The following TBX21 variants were observed in gnomAD, a reference collection of about 807,000 sequenced individuals.
TBX21 encodes T-box transcription factor 21.
In TBX21, 11 loss-of-function variants were observed where a neutral mutation model predicts 52.2. The observed-to-expected ratio is 0.21, with a 90% CI of 0.13 to 0.35. The LOEUF (loss-of-function observed/expected upper bound fraction) is 0.35. Ranked by LOEUF, TBX21 falls within the 10% of genes least tolerant of loss-of-function variation. TBX21 has a pLI of 1.00. For synonymous variants in TBX21, 300 were observed against 316.1 expected, an observed-to-expected ratio of 0.95 and a Z score of 0.54; for missense variants, 625 against 755.1, an observed-to-expected ratio of 0.83 and a Z score of 2.02.
rs34123804 is a variant in TBX21 at position 47,742,072 on chromosome 17, CTT to C, written c.492-525_492-524del. The stretch of plus-strand genomic sequence containing the variant: ...AGTGATGATTTTTTAGTTTTTACTC[CTT>C]TTTTTTTTTTTTGAGATGGAGACTT... On this transcript the variant is annotated intron_variant, in intron 1 of 5. Coordinates refer to ENST00000177694, the MANE Select transcript of TBX21 (RefSeq NM_013351.2). The surrounding 1 kb of genome is among the most constrained non-coding windows in gnomAD (Gnocchi z 4.4). Among the ~76,000 whole-genome samples the C allele has an allele frequency of 2.5e-4, 36 of 143,536 alleles. No individual in the cohort carries two copies. The highest frequency in any genetic ancestry group is 5.3e-4 in the African/African-American group (21 of 39,386). 94.2% of individuals were successfully genotyped at this position (143,536 alleles called of 152,430 possible). A position where few individuals can be genotyped will look rare whatever the true frequency, so the allele number is the denominator to read the frequency against.
rs751982743 is a variant in TBX21 at position 47,733,962 on chromosome 17, G to A, written c.491+17G>A. 3.7e-6 allele frequency: 6 copies of A among 1,612,684 alleles called. No individual in the cohort carries two copies. The highest frequency in any genetic ancestry group is 4.2e-6 in the Non-Finnish European group (5 of 1,179,526). On this transcript the variant is annotated intron_variant, in intron 1 of 5. Coordinates refer to ENST00000177694, the MANE Select transcript of TBX21 (RefSeq NM_013351.2). The surrounding 1 kb of genome is among the most constrained non-coding windows in gnomAD (Gnocchi z 6.6). ...GCAGGGACGGTGAGTGCGGCGCGCC[G>A]GCCCTTGGGGCCTCTGTGCCCGCGC...
intron 1 of TBX21, among the ~76,000 whole-genome samples, chr17:47,734,197 A>G (rs2032176895): frequency 6.6e-6 from 1 of 152,130 alleles, no homozygotes; most frequent in Non-Finnish European, 1.5e-5. Context: ...GTGAGAAGTC[A>G]CCTTGATTTA....
In TBX21 at chr17:47,744,118, G is replaced by T. The variant is rs2032300054; in HGVS notation, c.769-77G>T. On this transcript the variant is annotated intron_variant, in intron 3 of 5. Transcript: ENST00000177694. ...AAGGTGCTTGCTAGCCTCACGTGGG[G>T]CCAGCTGTTGGTGGGGGTGATGGGA... 5.1e-6 allele frequency: 8 copies of T among 1,563,608 alleles called. No homozygotes were observed. The Admixed American group carries it at 1.4e-4, about 28-fold the overall frequency.
At position 47,733,328 on chromosome 17, in the gene TBX21, G is replaced by C; in HGVS notation, c.-127G>C. 3.9e-6 allele frequency: 5 copies of C among 1,276,790 alleles called. No homozygotes were observed. Among genetic ancestry groups the C allele is most frequent in the Non-Finnish European group, 5.0e-6 (5 of 995,074 alleles). The allele number at this position is 1,276,790 out of a possible 1,614,324, so 79.1% of individuals were successfully genotyped here. Reference sequence around the variant, plus strand: ...GCCAGGCGTCAGAGCCCGGGCTCCGGTGGGGTCCCCCACCCGGCCCTCGGG... The same window carrying C: ...GCCAGGCGTCAGAGCCCGGGCTCCGCTGGGGTCCCCCACCCGGCCCTCGGG... On this transcript the variant is annotated 5_prime_UTR_variant, in exon 1 of 6. Transcript: ENST00000177694. The surrounding 1 kb of genome is among the most constrained non-coding windows in gnomAD (Gnocchi z 6.6).
At position 47,744,517 on chromosome 17, in the gene TBX21, C is replaced by T. The variant is rs1275841386; in HGVS notation, c.963C>T (p.Ala321=). 2.5e-5 allele frequency: 40 copies of T among 1,614,162 alleles called. No homozygotes were observed. The highest frequency in any genetic ancestry group is 3.1e-5 in the Non-Finnish European group (37 of 1,180,044). ...TQLKIDNNPF[A]KGFRENFESM... ...TGAAAATTGATAATAACCCCTTTGCCAAAGGATTCCGGGAGAACTTTGAGT... is the reference window on the plus strand; with the variant it reads ...TGAAAATTGATAATAACCCCTTTGCTAAAGGATTCCGGGAGAACTTTGAGT... The change falls in exon 5 of 6, where the codon GCC becomes GCT. Residue 321 remains alanine, a synonymous_variant. Transcript: ENST00000177694.
Position 47,733,481 on chromosome 17 carries a change from A to G in TBX21, c.27A>G (p.Gly9=), listed in dbSNP as rs778161024. The G allele has an allele frequency of 6.7e-7, 1 of 1,492,730 alleles. No homozygotes were observed. Among genetic ancestry groups the G allele is most frequent in the South Asian group, 1.3e-5 (1 of 79,474 alleles). 92.5% of individuals were successfully genotyped at this position (1,492,730 alleles called of 1,614,324 possible). Residue 9 remains glycine (G), a synonymous_variant, in exon 1 of 6, where the codon GGA becomes GGG. Transcript: ENST00000177694. This position sits in a 1 kb window ranked among gnomAD's most constrained non-coding sequence, Gnocchi z 6.6. ...TGGGCATCGTGGAGCCGGGTTGCGG[A>G]GACATGCTGACGGGCACCGAGCCGA... The part of the protein sequence containing the change: MGIVEPGC[G]DMLTGTEPMP...
At position 47,743,245 on chromosome 17, in the gene TBX21, G is replaced by A. The variant is rs574209343; in HGVS notation, c.768+53G>A. ...TCGCCCTGCTCCCCACCCTGGGTCT[G>A]AGACCTCCAAGGCCACAAGGGTCCT... On this transcript the variant is annotated intron_variant, in intron 3 of 5. Coordinates refer to ENST00000177694, the MANE Select transcript of TBX21 (RefSeq NM_013351.2). The A allele has an allele frequency of 5.4e-5, 86 of 1,604,112 alleles. No homozygotes were observed. The East Asian group carries it at 1.9e-3, about 35-fold the overall frequency.
chr17:47,743,849 C>T (rs1597985890), intron 3 of TBX21, among the ~76,000 whole-genome samples: 1 of 142,592 alleles, frequency 7.0e-6, no homozygotes, highest in Non-Finnish European at 1.5e-5. Context: ...CATTGCACTC[C>T]AGCCTGGGTG....
At position 47,742,913 on chromosome 17, in the gene TBX21, C is replaced by T; in HGVS notation, c.646+149C>T. The T allele has an allele frequency of 6.7e-7, 1 of 1,490,438 alleles. No homozygotes were observed. The highest frequency in any genetic ancestry group is 8.9e-7 in the Non-Finnish European group (1 of 1,117,480). 92.3% of individuals were successfully genotyped at this position (1,490,438 alleles called of 1,614,324 possible). On this transcript the variant is annotated intron_variant, in intron 2 of 5. Coordinates refer to ENST00000177694, the MANE Select transcript of TBX21 (RefSeq NM_013351.2). This position sits in a 1 kb window ranked among gnomAD's most constrained non-coding sequence, Gnocchi z 4.4. ...TTGCATCCCTCCTGTTTCTGGCTTC[C>T]TGCTTTGCTCTAGCCTGTCCTCTGC...
In TBX21 at chr17:47,744,898, G is replaced by A. The variant is rs1365608004; in HGVS notation, c.1140G>A (p.Val380=). 5.6e-6 allele frequency: 9 copies of A among 1,614,092 alleles called. No homozygotes were observed. The African/African-American group carries it at 6.7e-5, about 12-fold the overall frequency. The part of the protein sequence containing the change: ...YPDLPGQAKD[V]VPQAYWLGAP... ...ACCTTCCTGGCCAGGCGAAGGATGT[G>A]GTTCCCCAGGCTTACTGGCTGGGGG... The change falls in exon 6 of 6, where the codon GTG becomes GTA. Residue 380 remains valine, a synonymous_variant. Coordinates refer to ENST00000177694, the MANE Select transcript of TBX21 (RefSeq NM_013351.2).
intron 3 of TBX21, 137 bp downstream of exon 3, chr17:47,743,329 T>G: frequency 1.6e-6 from 2 of 1,242,050 alleles, no homozygotes; most frequent in South Asian, 1.5e-5. Flanking sequence ...TTCGTTTTTC[T>G]TCTGTCCTAA....
rs2032328630 is a variant in TBX21 at position 47,745,860 on chromosome 17, C to G, written c.*494C>G. The G allele has an allele frequency of 6.5e-6, 1 of 154,242 alleles. No individual in the cohort carries two copies. Among genetic ancestry groups the G allele is most frequent in the African/African-American group, 2.4e-5 (1 of 41,432 alleles). The allele number at this position is 154,242 out of a possible 1,614,324, so 9.6% of individuals were successfully genotyped here. On this transcript the variant is annotated 3_prime_UTR_variant, in exon 6 of 6. Transcript: ENST00000177694. Reference sequence around the variant, plus strand: ...GCCCGCCAGGGTCAGGGAAAGGACTCACCTGACTTTGGACAGCTGGCCTGG... The same window carrying G: ...GCCCGCCAGGGTCAGGGAAAGGACTGACCTGACTTTGGACAGCTGGCCTGG...
Position 47,744,364 on chromosome 17 carries a change from C to T in TBX21, c.927+11C>T. On this transcript the variant is annotated intron_variant, in intron 4 of 5. Coordinates refer to ENST00000177694, the MANE Select transcript of TBX21 (RefSeq NM_013351.2). Reference sequence around the variant, plus strand: ...TACCAGAATGCCGAGGTGAGGGCTGCCTGAGCCCCGGTGGGGAGGAGGGCA... The same window carrying T: ...TACCAGAATGCCGAGGTGAGGGCTGTCTGAGCCCCGGTGGGGAGGAGGGCA... 1.2e-6 allele frequency: 2 copies of T among 1,614,194 alleles called. No homozygotes were observed. The highest frequency in any genetic ancestry group is 1.1e-5 in the South Asian group (1 of 91,074).
intron 1 of TBX21, among the ~76,000 whole-genome samples, chr17:47,739,677 G>A (rs541727319): frequency 6.6e-6 from 1 of 151,982 alleles, no homozygotes; most frequent in African/African-American, 2.4e-5. Context: ...GAGAATAATG[G>A]CGTGAACCTT....
In TBX21 at chr17:47,745,372, T is replaced by C. The variant is rs1266528947; in HGVS notation, c.*6T>C. 6 of 1,581,382 alleles carry C rather than the reference T, an allele frequency of 3.8e-6. No individual in the cohort carries two copies. The highest frequency in any genetic ancestry group is 1.8e-5 in the Admixed American group (1 of 54,810). ...ATAACTATTTTCCCAACTGAGCAGA[T>C]GACATGATGAAAGGAACAGAAACAG... On this transcript the variant is annotated 3_prime_UTR_variant, in exon 6 of 6. Transcript: ENST00000177694.
intron 1 of TBX21, among the ~76,000 whole-genome samples, chr17:47,739,948 C>T (rs1819958735): frequency 6.6e-6 from 1 of 152,006 alleles, no homozygotes. Context: ...ATGGGGACCA[C>T]AGAGCACAGC....
At chr17:47,736,452 T>G (rs1239126996) in intron 1 of TBX21, among the ~76,000 whole-genome samples, 2 of 152,206 alleles carry the variant, frequency 1.3e-5, no homozygotes, top group Non-Finnish European at 2.9e-5. Flanking sequence ...ACCAAGCTTC[T>G]CTGATTGCTT....
rs1327686123 is a variant in TBX21 at position 47,733,772 on chromosome 17, G to A, written c.318G>A (p.Glu106=). ...ACGCCGAGGGCTACCAGCCGGGCGAGGGCTACGCCGCCCCGGACCCGCGCG... is the reference window on the plus strand; with the variant it reads ...ACGCCGAGGGCTACCAGCCGGGCGAAGGCTACGCCGCCCCGGACCCGCGCG... The part of the protein sequence containing the change: ...PADAEGYQPG[E]GYAAPDPRAG... The change falls in exon 1 of 6, where the codon GAG becomes GAA. Residue 106 remains glutamate (E), a synonymous_variant. Coordinates refer to ENST00000177694, the MANE Select transcript of TBX21 (RefSeq NM_013351.2). The surrounding 1 kb of genome is among the most constrained non-coding windows in gnomAD (Gnocchi z 6.6). 3.3e-6 allele frequency: 5 copies of A among 1,531,356 alleles called. No homozygotes were observed. The highest frequency in any genetic ancestry group is 4.4e-6 in the Non-Finnish European group (5 of 1,140,204). The allele number at this position is 1,531,356 out of a possible 1,614,324, so 94.9% of individuals were successfully genotyped here. A position where few individuals can be genotyped will look rare whatever the true frequency, so the allele number is the denominator to read the frequency against.
At position 47,745,486 on chromosome 17, in the gene TBX21, T is replaced by C; in HGVS notation, c.*120T>C. 7.1e-7 allele frequency: 1 copy of C among 1,415,244 alleles called. No individual in the cohort carries two copies. The highest frequency in any genetic ancestry group is 1.4e-5 in the African/African-American group (1 of 70,068). 87.7% of individuals were successfully genotyped at this position (1,415,244 alleles called of 1,614,324 possible). A position where few individuals can be genotyped will look rare whatever the true frequency, so the allele number is the denominator to read the frequency against. ...CTCCCTCTGGCCCTTCTCTGTTTAG[T>C]AGTTGGTTGGGGAAGTGGGGCTCAA... On this transcript the variant is annotated 3_prime_UTR_variant, in exon 6 of 6. Coordinates refer to ENST00000177694, the MANE Select transcript of TBX21 (RefSeq NM_013351.2).
Sources: allele counts gnomAD v4.1 joint callset (sites outside exome capture counted in the v4.1 genomes callset), GRCh38; gene constraint gnomAD v4.1.1; non-coding constraint Gnocchi (gnomAD v3.1); transcripts MANE v1.5; gene names NCBI Gene and HGNC (gene_info 2026-07-23, HGNC 2026-07-21).